Variants in SLC35F4 observed in about 807,000 individuals in gnomAD.
SLC35F4 encodes the protein solute carrier family 35 member F4.
Under a neutral mutation model 44.2 loss-of-function variants are expected in SLC35F4, and 24 were observed. The ratio of observed to expected loss-of-function variants is 0.54; its 90% confidence interval spans 0.39 to 0.76. SLC35F4 has a LOEUF of 0.76. SLC35F4 is among the 30% of genes least tolerant of loss of function. The pLI, the probability that SLC35F4 is intolerant of heterozygous loss-of-function variation, is 0.00. For missense variants in SLC35F4, 562 were observed against 586.1 expected, an observed-to-expected ratio of 0.96 and a Z score of 0.42; for synonymous variants, 238 against 223.6, an observed-to-expected ratio of 1.06 and a Z score of -0.57.
At chr14:57,618,448 C>T (rs1333090268) in intron 1 of SLC35F4, among the ~76,000 whole-genome samples, 1 of 152,140 alleles carries the variant, frequency 6.6e-6, no homozygotes, top group Non-Finnish European at 1.5e-5. Flanking sequence ...GGGGAGTTCC[C>T]TCCCCTACCC....
At position 57,926,722 on chromosome 14, in the gene SLC35F4, G is replaced by A. The variant is rs1490800634; in HGVS notation, n.282+55191C>T. On this transcript the variant is annotated intron_variant and non_coding_transcript_variant, in intron 1 of 1. Coordinates refer to the SLC35F4 transcript ENST00000556568. ...AAAAAGGAATATAACAATGAAGTAG[G>A]GTTGGGGGGGGGGGGTGGATATATA... is the stretch of plus-strand genomic sequence containing the variant. Among the ~76,000 whole-genome samples the A allele has an allele frequency of 6.6e-5, 4 of 60,990 alleles. No homozygotes were observed. The East Asian group carries it at 8.0e-3, about 122-fold the overall frequency. 40.0% of individuals were successfully genotyped at this position (60,990 alleles called of 152,430 possible). A position where few individuals can be genotyped will look rare whatever the true frequency, so the allele number is the denominator to read the frequency against.
chr14:57,807,644 A>G (rs183136760), intron 1 of SLC35F4, among the ~76,000 whole-genome samples: 86 of 152,074 alleles, frequency 5.7e-4, no homozygotes, highest in Non-Finnish European at 1.1e-3. Context: ...GCCATCAATC[A>G]TCACATAAGA....
chr14:57,771,983 C>T (rs2077375694), intron 1 of SLC35F4, among the ~76,000 whole-genome samples: 1 of 152,116 alleles, frequency 6.6e-6, no homozygotes, highest in African/African-American at 2.4e-5. Context: ...TTTCACTTTG[C>T]ATAGTATGTG....
chr14:57,895,196 T>C (rs541770009), intron 1 of SLC35F4, among the ~76,000 whole-genome samples: 1 of 152,116 alleles, frequency 6.6e-6, no homozygotes, highest in East Asian at 1.9e-4. Flanking sequence ...TCTGTCCAGG[T>C]ACACAGAATT....
intron 1 of SLC35F4, among the ~76,000 whole-genome samples, chr14:57,902,481 T>C (rs1330150251): frequency 6.6e-6 from 1 of 151,456 alleles, no homozygotes; most frequent in East Asian, 1.9e-4. Context: ...GAGAATTGAT[T>C]GAACCTGGGA....
At chr14:57,931,506 T>G (rs114329549) in intron 1 of SLC35F4, among the ~76,000 whole-genome samples, 73 of 152,312 alleles carry the variant, frequency 4.8e-4, no homozygotes, top group African/African-American at 1.7e-3. Flanking sequence ...GGCTTGAGGA[T>G]GTCAATTTGG....
At chr14:57,786,589 G>A (rs2077767230) in intron 1 of SLC35F4, among the ~76,000 whole-genome samples, 1 of 152,138 alleles carries the variant, frequency 6.6e-6, no homozygotes, top group Non-Finnish European at 1.5e-5. Context: ...TCACATCACA[G>A]GACTCTATGC....
intron 1 of SLC35F4, among the ~76,000 whole-genome samples, chr14:57,718,755 G>C (rs1332591870): frequency 6.6e-6 from 1 of 152,050 alleles, no homozygotes; most frequent in Non-Finnish European, 1.5e-5. Flanking sequence ...CCCTAGTCAT[G>C]AGTCATTTGC....
intron 1 of SLC35F4, among the ~76,000 whole-genome samples, chr14:57,760,750 T>A (rs2077104557): frequency 6.6e-6 from 1 of 152,152 alleles, no homozygotes; most frequent in Admixed American, 6.5e-5. Context: ...CCCCTTAAAT[T>A]ATGAGTTTTT....
rs943109811 is a variant in SLC35F4, at chr14:57,735,724, TG to T, written c.103+129998del. On this transcript the variant is annotated intron_variant, in intron 1 of 7. Coordinates refer to ENST00000556826, the MANE Select transcript of SLC35F4 (RefSeq NM_001306087.2). ...AAACTCCAACATAGCCACCCCCTTT[TG>T]TTTTTTTTTTTTTTAAAGACAGAGC... Among the ~76,000 whole-genome samples, 13 of 141,538 alleles carry T rather than the reference TG, an allele frequency of 9.2e-5. 1 individual carries two copies. The highest frequency in any genetic ancestry group is 3.3e-4 in the African/African-American group (11 of 33,160). 92.9% of individuals were successfully genotyped at this position (141,538 alleles called of 152,430 possible).
At chr14:57,902,121 T>C (rs1017227228) in intron 1 of SLC35F4, among the ~76,000 whole-genome samples, 1 of 152,216 alleles carries the variant, frequency 6.6e-6, no homozygotes, top group Non-Finnish European at 1.5e-5. Flanking sequence ...AGTGTAGACA[T>C]TCAAATCAAA....
At chr14:57,688,733 C>T (rs1248343376) in intron 1 of SLC35F4, among the ~76,000 whole-genome samples, 1 of 152,118 alleles carries the variant, frequency 6.6e-6, no homozygotes, top group African/African-American at 2.4e-5. Context: ...TCAAGCTTTC[C>T]CTGCTATTCT....
At chr14:57,644,225 G>A (rs2073387415) in intron 1 of SLC35F4, among the ~76,000 whole-genome samples, 1 of 152,148 alleles carries the variant, frequency 6.6e-6, no homozygotes, top group South Asian at 2.1e-4. Flanking sequence ...CTAGTTTACA[G>A]TCCCACCAAC....
rs186820348 is a variant in SLC35F4, at chr14:57,892,183, A to T, written n.282+89730T>A. Among the ~76,000 whole-genome samples, 76 of 152,312 alleles carry T rather than the reference A, an allele frequency of 5.0e-4. 1 individual carries two copies. Among genetic ancestry groups the T allele is most frequent in the Admixed American group, 3.1e-3 (48 of 15,294 alleles). The stretch of plus-strand genomic sequence containing the variant: ...TTTTATATCTCTTCACTTCTAGTCA[A>T]TGAGGAATGGGATTAGGAAAATATG... On this transcript the variant is annotated intron_variant and non_coding_transcript_variant, in intron 1 of 1. Transcript: ENST00000556568.
At chr14:57,714,442 A>G (rs140306793) in intron 1 of SLC35F4, among the ~76,000 whole-genome samples, 17 of 152,318 alleles carry the variant, frequency 1.1e-4, no homozygotes, top group African/African-American at 4.1e-4. Context: ...TGTGAATCCA[A>G]TTCCTTTACA....
chr14:57,736,832 C>A (rs966020364), intron 1 of SLC35F4, among the ~76,000 whole-genome samples: 1 of 152,138 alleles, frequency 6.6e-6, no homozygotes, highest in Non-Finnish European at 1.5e-5. Context: ...GATTATAGTG[C>A]AAATGGGAAC....
intron 1 of SLC35F4, among the ~76,000 whole-genome samples, chr14:57,939,099 A>C (rs952706383): frequency 6.6e-6 from 1 of 151,926 alleles, no homozygotes; most frequent in Non-Finnish European, 1.5e-5. Context: ...TTTCCCCCCG[A>C]GAGGGAGAGG....
rs369989310 is a variant in SLC35F4 at position 57,688,077 on chromosome 14, C to A, written c.104-93953G>T. Among the ~76,000 whole-genome samples the A allele has an allele frequency of 4.6e-5, 7 of 151,976 alleles. No homozygotes were observed. In the East Asian group the frequency reaches 1.4e-3, roughly 29 times the overall value. ...TCTGATAGATATCATTTATAAAGAG[C>A]CTGAATTAATTAGTGTGGAGTAAAG... On this transcript the variant is annotated intron_variant, in intron 1 of 7. Coordinates refer to ENST00000556826, the MANE Select transcript of SLC35F4 (RefSeq NM_001306087.2).
chr14:57,767,223 A>C (rs768584425), intron 1 of SLC35F4, among the ~76,000 whole-genome samples: 1 of 152,194 alleles, frequency 6.6e-6, no homozygotes, highest in African/African-American at 2.4e-5. Context: ...GAACAATACA[A>C]TCAACAAATA....
Sources: gnomAD v4.1 joint callset for allele counts (sites outside exome capture counted in the v4.1 genomes callset) on GRCh38, gnomAD v4.1.1 for gene constraint, MANE v1.5 for transcripts, NCBI Gene and HGNC (gene_info 2026-07-23, HGNC 2026-07-21) for gene names.